The following DISC1 variants were observed in gnomAD, a reference collection of about 807,000 sequenced individuals.
DISC1 encodes DISC1 scaffold protein.
Under a neutral mutation model 84.5 loss-of-function variants are expected in DISC1, and 57 were observed. The observed-to-expected ratio is 0.67, with a 90% CI of 0.55 to 0.84. The LOEUF (loss-of-function observed/expected upper bound fraction) is 0.84, where lower values mean the gene tolerates loss of function less well. DISC1 is among the 40% of genes least tolerant of loss of function. DISC1 has a pLI of 0.00. For synonymous variants in DISC1, 411 were observed against 415.2 expected (o/e 0.99, Z 0.12); for missense variants, 1,000 against 1,057.8 (o/e 0.95, Z 0.76).
At chr1:231,975,279 C>T (rs1662633795) in intron 10 of DISC1, among the ~76,000 whole-genome samples, 1 of 151,892 alleles carries the variant, frequency 6.6e-6, no homozygotes, top group African/African-American at 2.4e-5. Context: ...ATCATTGTAC[C>T]CCAGTCAGAA....
At chr1:231,709,829 A>G (rs2067576147) in intron 3 of DISC1, among the ~76,000 whole-genome samples, 1 of 152,232 alleles carries the variant, frequency 6.6e-6, no homozygotes, top group Non-Finnish European at 1.5e-5. Flanking sequence ...AGAATCTGTA[A>G]GAGACACAAG....
At chr1:231,931,026 G>C (rs1370669297) in intron 9 of DISC1, among the ~76,000 whole-genome samples, 2 of 152,146 alleles carry the variant, frequency 1.3e-5, no homozygotes, top group Non-Finnish European at 2.9e-5. Context: ...TTCTGTTCTA[G>C]TCATTCTGCT....
rs545423437 is a variant in DISC1 at position 231,686,839 on chromosome 1, C to T, written c.68-6987C>T. ...ATGCCTTTAACAGCACCCATGTCAC[C>T]TCTTGAAGGCTTTGCTGCTTGGAAA... On this transcript the variant is annotated intron_variant, in intron 1 of 12. Transcript: ENST00000439617. Among the ~76,000 whole-genome samples the T allele has an allele frequency of 7.9e-5, 12 of 152,284 alleles. No individual in the cohort carries two copies. The South Asian group carries it at 1.0e-3, about 13-fold the overall frequency.
At chr1:231,860,735 C>G (rs1457894004) in intron 9 of DISC1, among the ~76,000 whole-genome samples, 2 of 152,192 alleles carry the variant, frequency 1.3e-5, no homozygotes, top group Non-Finnish European at 2.9e-5. Flanking sequence ...CCCCACAATT[C>G]TCATTTTTTG....
At chr1:231,881,066 C>T (rs914701333) in intron 9 of DISC1, among the ~76,000 whole-genome samples, 1 of 152,094 alleles carries the variant, frequency 6.6e-6, no homozygotes, top group Non-Finnish European at 1.5e-5. Context: ...ATTTTCCTTT[C>T]TCCCCTCTCT....
At chr1:231,831,649 G>A (rs547320690) in intron 9 of DISC1, among the ~76,000 whole-genome samples, 15 of 124,142 alleles carry the variant, frequency 1.2e-4, no homozygotes, top group African/African-American at 1.9e-4. Flanking sequence ...AAGTAAAGCC[G>A]CCTTGAGCAG....
intron 9 of DISC1, among the ~76,000 whole-genome samples, chr1:231,861,100 T>C (rs1180260304): frequency 1.3e-5 from 2 of 152,166 alleles, no homozygotes; most frequent in Non-Finnish European, 2.9e-5. Flanking sequence ...CACAGGAAAG[T>C]CCTTGAAGAA....
At chr1:231,833,652 C>T (rs1185232972) in intron 9 of DISC1, among the ~76,000 whole-genome samples, 2 of 152,102 alleles carry the variant, frequency 1.3e-5, no homozygotes, top group Non-Finnish European at 2.9e-5. Context: ...GGCCTGGTGG[C>T]CAGATTTCTG....
chr1:231,715,110 C>T (rs2068506015), intron 3 of DISC1, among the ~76,000 whole-genome samples: 1 of 152,178 alleles, frequency 6.6e-6, no homozygotes, highest in Non-Finnish European at 1.5e-5. Flanking sequence ...GTGCTGACTC[C>T]TTGGACCAAT....
intron 10 of DISC1, among the ~76,000 whole-genome samples, chr1:231,971,632 T>G (rs761673851): frequency 3.3e-5 from 5 of 152,222 alleles, no homozygotes; most frequent in Non-Finnish European, 7.4e-5. Context: ...ACACTTTAGG[T>G]GCTGGGCTGT....
At chr1:231,870,927 T>A (rs189681263) in intron 9 of DISC1, among the ~76,000 whole-genome samples, 80 of 152,356 alleles carry the variant, frequency 5.3e-4, no homozygotes, top group African/African-American at 1.8e-3. Flanking sequence ...ATGACTTTAA[T>A]TTTGCTCTAG....
chr1:231,682,668 C>T (rs1572827959), intron 1 of DISC1, among the ~76,000 whole-genome samples: 1 of 152,194 alleles, frequency 6.6e-6, no homozygotes, highest in Non-Finnish European at 1.5e-5. Flanking sequence ...GATAAACTTT[C>T]TATTTTAGAA....
At chr1:231,886,805 TTCTTTC>T (rs1553384612) in intron 9 of DISC1, among the ~76,000 whole-genome samples, 1 of 145,288 alleles carries the variant, frequency 6.9e-6, no homozygotes, top group African/African-American at 2.5e-5. Flanking sequence ...CTTTCTTTCT[TTCTTTC>T]TTTCTTTCTT....
At chr1:231,700,652 G>A (rs1187624561) in intron 2 of DISC1, among the ~76,000 whole-genome samples, 1 of 152,134 alleles carries the variant, frequency 6.6e-6, no homozygotes, top group Non-Finnish European at 1.5e-5. Flanking sequence ...ACTGTATTAT[G>A]TTTTTGCCTA....
At chr1:231,757,001 C>A (rs2075207135) in intron 4 of DISC1, among the ~76,000 whole-genome samples, 1 of 152,106 alleles carries the variant, frequency 6.6e-6, no homozygotes, top group African/African-American at 2.4e-5. Context: ...GGCTGAAGCT[C>A]ACACAGCCCA....
At chr1:231,779,594 T>C (rs1329931085) in intron 6 of DISC1, among the ~76,000 whole-genome samples, 3 of 137,964 alleles carry the variant, frequency 2.2e-5, no homozygotes, top group East Asian at 4.7e-4. Flanking sequence ...GGAGTCTCGC[T>C]CTGTCGCCCA....
chr1:231,724,268 C>T (rs554945891), intron 3 of DISC1, among the ~76,000 whole-genome samples: 173 of 152,232 alleles, frequency 1.1e-3, no homozygotes, highest in African/African-American at 3.9e-3. Context: ...CTAGAAGTTC[C>T]GGTTTTTCAT....
intron 9 of DISC1, among the ~76,000 whole-genome samples, chr1:231,841,761 CA>C (rs2083085094): frequency 6.6e-6 from 1 of 152,054 alleles, no homozygotes; most frequent in Admixed American, 6.6e-5. Context: ...AGGTTGTAAC[CA>C]AAGGCTGCTC....
chr1:231,649,672 T>C (rs2060449051), intron 1 of DISC1, among the ~76,000 whole-genome samples: 1 of 152,194 alleles, frequency 6.6e-6, no homozygotes, highest in African/African-American at 2.4e-5. Flanking sequence ...AAGTCTCCCA[T>C]TATTATTGTG....
Sources: allele counts gnomAD v4.1 joint callset (sites outside exome capture counted in the v4.1 genomes callset), GRCh38; gene constraint gnomAD v4.1.1; transcripts MANE v1.5; gene names NCBI Gene and HGNC (gene_info 2026-07-23, HGNC 2026-07-21).